The following ACOXL variants were observed in gnomAD, a reference collection of about 807,000 sequenced individuals.
The protein encoded by ACOXL is acyl-CoA oxidase like.
Under a neutral mutation model 71.9 loss-of-function variants are expected in ACOXL, and 70 were observed. That is an observed-to-expected ratio of 0.97 (90% confidence interval 0.80 to 1.19). The LOEUF (loss-of-function observed/expected upper bound fraction) is 1.19, where lower values mean the gene tolerates loss of function less well. Ranked by LOEUF, ACOXL falls within the 50% of genes most tolerant of loss-of-function variation. The pLI is 0.00. For synonymous variants in ACOXL, 253 were observed against 281.6 expected, an observed-to-expected ratio of 0.90 and a Z score of 1.02; for missense variants, 703 against 736.3, an observed-to-expected ratio of 0.95 and a Z score of 0.52.
intron 12 of ACOXL, among the ~76,000 whole-genome samples, chr2:110,965,912 A>G (rs963227327): frequency 2.0e-5 from 3 of 152,248 alleles, no homozygotes; most frequent in Middle Eastern, 3.4e-3. Context: ...CACACACAAA[A>G]TATGCTCCAG....
chr2:110,924,336 T>C (rs1199208118), intron 11 of ACOXL, among the ~76,000 whole-genome samples: 2 of 152,344 alleles, frequency 1.3e-5, no homozygotes, highest in East Asian at 3.9e-4. Context: ...CCGCAACAAT[T>C]GACTCTTCCT....
chr2:110,902,176 A>G (rs1376865139), intron 10 of ACOXL, among the ~76,000 whole-genome samples: 4 of 152,178 alleles, frequency 2.6e-5, no homozygotes. Context: ...CAACTTAAAA[A>G]AACAAAAAAC....
At chr2:110,988,858 TG>T (rs2063050940) in intron 13 of ACOXL, among the ~76,000 whole-genome samples, 1 of 1,816 alleles carries the variant, frequency 5.5e-4, no homozygotes, top group South Asian at 0.031. Context: ...CTATTTTTAT[TG>T]TGTGTGTGTG....
chr2:110,826,486 G>A (rs1181232024), intron 9 of ACOXL, among the ~76,000 whole-genome samples: 2 of 152,222 alleles, frequency 1.3e-5, no homozygotes, highest in African/African-American at 2.4e-5. Flanking sequence ...TGTTTGACGT[G>A]TAGAAAGTGT....
chr2:110,922,624 T>A (rs1358997082), intron 11 of ACOXL, among the ~76,000 whole-genome samples: 3 of 152,212 alleles, frequency 2.0e-5, no homozygotes, highest in Non-Finnish European at 2.9e-5. Context: ...TTCAGCTCTT[T>A]TTATATTTTG....
chr2:111,015,477 C>CA (rs2064381515), intron 14 of ACOXL, among the ~76,000 whole-genome samples: 1 of 152,152 alleles, frequency 6.6e-6, no homozygotes, highest in Admixed American at 6.5e-5. Flanking sequence ...TCCATCCTGG[C>CA]AATGCTACAA....
At chr2:111,107,551 C>T (rs571800614) in intron 17 of ACOXL, among the ~76,000 whole-genome samples, 18 of 152,276 alleles carry the variant, frequency 1.2e-4, no homozygotes, top group African/African-American at 3.9e-4. Context: ...TGCAATGGCA[C>T]GATCTCGGCT....
Position 110,864,048 on chromosome 2 carries a change from G to GAAGTGACACTATGCTT in ACOXL, c.788+22645_788+22660dup, listed in dbSNP as rs533045613. Reference sequence around the variant, plus strand: ...ACTCAGATCCCTTCACTCAGGCACAGAAGTGACACTATGCTTAGAAGAGCC... The same window carrying GAAGTGACACTATGCTT: ...ACTCAGATCCCTTCACTCAGGCACAGAAGTGACACTATGCTTAAGTGACACTATGCTTAGAAGAGCC... On this transcript the variant is annotated intron_variant, in intron 10 of 17. Coordinates refer to ENST00000439055, the MANE Select transcript of ACOXL (RefSeq NM_001142807.4). Among the ~76,000 whole-genome samples the GAAGTGACACTATGCTT allele has an allele frequency of 1.4e-3, 212 of 152,272 alleles. 2 individuals carry two copies. Among genetic ancestry groups the GAAGTGACACTATGCTT allele is most frequent in the African/African-American group, 4.8e-3 (201 of 41,568 alleles).
intron 1 of ACOXL, among the ~76,000 whole-genome samples, chr2:110,735,982 C>G (rs1029146846): frequency 2.6e-5 from 4 of 152,106 alleles, no homozygotes; most frequent in Admixed American, 2.0e-4. Context: ...AGGGCCTTCT[C>G]ACACCCTTCT....
intron 6 of ACOXL, 53 bp downstream of exon 6, chr2:110,798,777 C>A: frequency 6.5e-7 from 1 of 1,531,210 alleles, no homozygotes; most frequent in Non-Finnish European, 9.0e-7. Flanking sequence ...GTACTATTTA[C>A]CAGTGAAAAA....
chr2:111,101,253 A>C (rs568189979), intron 17 of ACOXL: 12 of 152,078 alleles, frequency 7.9e-5, no homozygotes, highest in Admixed American at 4.6e-4. Flanking sequence ...AGAACACACA[A>C]AAAAAAATTA....
At chr2:111,106,186 C>T (rs1260326993) in intron 17 of ACOXL, among the ~76,000 whole-genome samples, 1 of 152,020 alleles carries the variant, frequency 6.6e-6, no homozygotes, top group Non-Finnish European at 1.5e-5. Context: ...CGTTCCTGAC[C>T]CTCTGTTCAT....
At chr2:110,963,843 G>A in intron 12 of ACOXL, 1 of 1,293,340 alleles carries the variant, frequency 7.7e-7, no homozygotes, top group Non-Finnish European at 1.1e-6. Flanking sequence ...GATATTTGTT[G>A]TAGCTGAACA....
At position 110,853,099 on chromosome 2, in the gene ACOXL, G is replaced by A. The variant is rs79575500; in HGVS notation, c.788+11694G>A. Among the ~76,000 whole-genome samples, 4 of 152,226 alleles carry A rather than the reference G, an allele frequency of 2.6e-5. No homozygotes were observed. The South Asian group carries it at 6.2e-4, about 24-fold the overall frequency. On this transcript the variant is annotated intron_variant, in intron 10 of 17. Coordinates refer to ENST00000439055, the MANE Select transcript of ACOXL (RefSeq NM_001142807.4). ...TGCTGGGTCCAGAGTGCCGGGCCTC[G>A]GGCGGGGTGGTCCATCTTGGTGGCT... is the stretch of plus-strand genomic sequence containing the variant.
intron 14 of ACOXL, among the ~76,000 whole-genome samples, chr2:111,023,989 C>T (rs564015707): frequency 6.6e-6 from 1 of 152,252 alleles, no homozygotes; most frequent in East Asian, 1.9e-4. Context: ...ACCCTGGCCT[C>T]CTGTTGAACA....
intron 17 of ACOXL, among the ~76,000 whole-genome samples, chr2:111,106,915 G>A (rs1447198488): frequency 6.6e-6 from 1 of 152,220 alleles, no homozygotes; most frequent in Non-Finnish European, 1.5e-5. Flanking sequence ...CACACTGGCA[G>A]TGACTCTGTT....
At chr2:110,878,573 G>A (rs888440992) in intron 10 of ACOXL, among the ~76,000 whole-genome samples, 6 of 152,084 alleles carry the variant, frequency 3.9e-5, no homozygotes, top group Non-Finnish European at 8.8e-5. Flanking sequence ...GACTAGCCTC[G>A]CCAACATGGT....
chr2:110,738,276 A>ATGTTAT (rs1400220677), intron 1 of ACOXL, among the ~76,000 whole-genome samples: 10 of 152,206 alleles, frequency 6.6e-5, no homozygotes, highest in Non-Finnish European at 1.5e-4. Context: ...TTTCCTGTCC[A>ATGTTAT]CATTCCATGG....
chr2:111,116,696 G>A (rs547942378), intron 17 of ACOXL, among the ~76,000 whole-genome samples: 1 of 152,150 alleles, frequency 6.6e-6, no homozygotes, highest in African/African-American at 2.4e-5. Flanking sequence ...ATTTACCACT[G>A]GCCGAAAACT....
Sources: gnomAD v4.1 joint callset for allele counts (sites outside exome capture counted in the v4.1 genomes callset) on GRCh38, gnomAD v4.1.1 for gene constraint, MANE v1.5 for transcripts, NCBI Gene and HGNC (gene_info 2026-07-23, HGNC 2026-07-21) for gene names.